The following TRPM3 variants were observed in gnomAD, a reference collection of about 807,000 sequenced individuals.
TRPM3 encodes the protein long transient receptor potential channel 3.
Under a neutral mutation model 181.2 loss-of-function variants are expected in TRPM3, and 77 were observed. The ratio of observed to expected loss-of-function variants is 0.42; its 90% CI spans 0.35 to 0.51. The LOEUF (loss-of-function observed/expected upper bound fraction) is 0.51. Among genes scored for constraint, TRPM3 ranks in the 20% least tolerant of loss-of-function variants. TRPM3 has a pLI of 0.01. For synonymous variants in TRPM3, 745 were observed against 796.4 expected (o/e 0.94, Z 1.09); for missense variants, 1,759 against 2,196.7 (o/e 0.80, Z 3.98).
intron 1 of TRPM3, among the ~76,000 whole-genome samples, chr9:71,317,428 A>G (rs982853090): frequency 6.6e-6 from 1 of 152,044 alleles, no homozygotes; most frequent in Non-Finnish European, 1.5e-5. Context: ...TTGCTTGCGC[A>G]TGGGAGTTCA....
chr9:71,033,234 C>T (rs957034190), intron 1 of TRPM3, among the ~76,000 whole-genome samples: 13 of 152,210 alleles, frequency 8.5e-5, no homozygotes, highest in African/African-American at 3.1e-4. Context: ...AACAGCCAGA[C>T]TAAAGCGTCC....
chr9:70,677,921 A>AT (rs35877978), intron 9 of TRPM3, among the ~76,000 whole-genome samples: 3,735 of 144,542 alleles, frequency 0.026, 52 homozygotes, highest in South Asian at 0.046. Flanking sequence ...ATAATAAACA[A>AT]TTTTTTTTTT....
At chr9:70,655,781 C>T (rs963803108) in intron 9 of TRPM3, among the ~76,000 whole-genome samples, 1 of 152,018 alleles carries the variant, frequency 6.6e-6, no homozygotes, top group African/African-American at 2.4e-5. Context: ...AAATTTAAAG[C>T]TATGTAGCTG....
intron 1 of TRPM3, among the ~76,000 whole-genome samples, chr9:71,046,508 T>C (rs796405818): frequency 3.2e-4 from 49 of 152,316 alleles, no homozygotes; most frequent in African/African-American, 1.2e-3. Context: ...GGCACTTCTA[T>C]TTTAAGTATC....
At chr9:71,050,039 T>G (rs2059895618) in intron 1 of TRPM3, among the ~76,000 whole-genome samples, 1 of 152,158 alleles carries the variant, frequency 6.6e-6, no homozygotes, top group African/African-American at 2.4e-5. Flanking sequence ...ACAACCTTCT[T>G]GCAGGTTATT....
chr9:71,110,835 T>C (rs1412382661), intron 1 of TRPM3, among the ~76,000 whole-genome samples: 1 of 152,224 alleles, frequency 6.6e-6, no homozygotes, highest in Non-Finnish European at 1.5e-5. Flanking sequence ...TATAGCTTGC[T>C]TGTATAAATG....
chr9:70,652,396 C>T (rs758864376), intron 9 of TRPM3, among the ~76,000 whole-genome samples: 28 of 151,816 alleles, frequency 1.8e-4, no homozygotes, highest in Non-Finnish European at 2.4e-4. Context: ...TTCATGTAGA[C>T]GTGATATTTG....
intron 1 of TRPM3, among the ~76,000 whole-genome samples, chr9:71,107,903 T>C (rs1186913591): frequency 2.0e-5 from 3 of 152,190 alleles, no homozygotes; most frequent in Non-Finnish European, 4.4e-5. Context: ...TTTCTTTCTT[T>C]TTTCAAGGAC....
chr9:71,300,747 A>G (rs2086693573), intron 1 of TRPM3, among the ~76,000 whole-genome samples: 1 of 152,154 alleles, frequency 6.6e-6, no homozygotes, highest in African/African-American at 2.4e-5. Context: ...ACAACTGTGT[A>G]AGCAATCCCT....
intron 1 of TRPM3, among the ~76,000 whole-genome samples, chr9:71,353,253 G>T (rs1057195948): frequency 3.3e-5 from 5 of 151,978 alleles, no homozygotes; most frequent in African/African-American, 1.2e-4. Context: ...AGTGCTATTT[G>T]ACTCCCTATG....
chr9:70,638,841 T>C (rs371171204), intron 11 of TRPM3, among the ~76,000 whole-genome samples: 100 of 152,302 alleles, frequency 6.6e-4, no homozygotes, highest in African/African-American at 2.3e-3. Flanking sequence ...GGTTATTACA[T>C]AACTTTTTGC....
At chr9:71,174,458 G>A (rs930200980) in intron 1 of TRPM3, among the ~76,000 whole-genome samples, 16 of 152,028 alleles carry the variant, frequency 1.1e-4, no homozygotes, top group African/African-American at 3.6e-4. Context: ...AGGAGAATCA[G>A]TTGAATCTGG....
intron 1 of TRPM3, among the ~76,000 whole-genome samples, chr9:71,186,442 C>G (rs916268047): frequency 6.6e-6 from 1 of 152,048 alleles, no homozygotes; most frequent in Non-Finnish European, 1.5e-5. Flanking sequence ...TAAATTCATG[C>G]TCTCTCTGCT....
chr9:70,682,547 G>A (rs1350356804), intron 8 of TRPM3, among the ~76,000 whole-genome samples: 2 of 152,100 alleles, frequency 1.3e-5, no homozygotes, highest in East Asian at 3.9e-4. Flanking sequence ...TTGTCACAGA[G>A]TCCATAGATC....
intron 9 of TRPM3, among the ~76,000 whole-genome samples, chr9:70,656,150 A>T (rs1349942397): frequency 6.6e-6 from 1 of 152,242 alleles, no homozygotes; most frequent in African/African-American, 2.4e-5. Context: ...AAGAATTGAC[A>T]GCATACATTT....
chr9:71,219,899 G>A (rs1292160212), intron 1 of TRPM3, among the ~76,000 whole-genome samples: 1 of 152,182 alleles, frequency 6.6e-6, no homozygotes, highest in Admixed American at 6.5e-5. Flanking sequence ...TTGTGTATGT[G>A]TGTTCAAAGC....
rs1399476898 is a variant in TRPM3 at position 70,549,553 on chromosome 9, C to T, written c.3696G>A (p.Val1232=). 1 of 1,612,940 alleles carries T rather than the reference C, an allele frequency of 6.2e-7. No homozygotes were observed. The highest frequency in any genetic ancestry group is 1.1e-5 in the South Asian group (1 of 90,746). The change falls in exon 25 of 26, where the codon GTG becomes GTA. Residue 1232 remains valine (V), a synonymous_variant. Coordinates refer to ENST00000677713, the MANE Select transcript of TRPM3 (RefSeq NM_001366145.2). The part of the protein sequence containing the change: ...FNSSNDERIR[V]TSERVENMSM... ...TCCACAGAACACACCTTTCTGAAGT[C>T]ACCCGTATCCTCTCATCATTAGATG... is the stretch of plus-strand genomic sequence containing the variant.
intron 1 of TRPM3, among the ~76,000 whole-genome samples, chr9:71,304,777 G>A (rs2087111686): frequency 6.6e-6 from 1 of 152,162 alleles, no homozygotes; most frequent in African/African-American, 2.4e-5. Flanking sequence ...CAAGAGTAAT[G>A]GAGACATCAG....
At chr9:70,635,180 G>A (rs117745369) in intron 12 of TRPM3, 31 bp downstream of exon 12, 27,049 of 1,605,860 alleles carry the variant, frequency 0.017, 269 homozygotes, top group Non-Finnish European at 0.02. Flanking sequence ...TCAAGACAGG[G>A]CCTCCGACCT....
Sources: gnomAD v4.1 joint callset for allele counts (sites outside exome capture counted in the v4.1 genomes callset) on GRCh38, gnomAD v4.1.1 for gene constraint, MANE v1.5 for transcripts, NCBI Gene and HGNC (gene_info 2026-07-23, HGNC 2026-07-21) for gene names.